DOK6: variants seen among roughly 807,000 people sequenced by gnomAD.
DOK6 encodes the protein docking protein 6.
Under a neutral mutation model 44.0 loss-of-function variants are expected in DOK6, and 22 were observed. The observed-to-expected ratio is 0.50, with a 90% CI of 0.36 to 0.71. The LOEUF (loss-of-function observed/expected upper bound fraction) is 0.71, where lower values mean the gene tolerates loss of function less well. Among genes scored for constraint, DOK6 ranks in the 30% least tolerant of loss-of-function variants. The probability of loss-of-function intolerance (pLI) is 0.00; values close to 1 mark genes in which losing one functional copy is unlikely to be tolerated. For synonymous variants in DOK6, 166 were observed against 145.5 expected (o/e 1.14, Z -1.01); for missense variants, 340 against 416.4 (o/e 0.82, Z 1.60).
In DOK6 at chr18:69,844,435, G is replaced by T. The variant is rs1246457076; in HGVS notation, c.*3052G>T. 2 of 152,084 alleles carry T rather than the reference G, an allele frequency of 1.3e-5. No individual in the cohort carries two copies. The highest frequency in any genetic ancestry group is 2.4e-5 in the African/African-American group (1 of 41,388). 9.4% of individuals were successfully genotyped at this position (152,084 alleles called of 1,614,324 possible). A position where few individuals can be genotyped will look rare whatever the true frequency, so the allele number is the denominator to read the frequency against. ...ATTTCACTGAGAGATTACACGAGGG[G>T]ACTTATTTTTTATGTTCCCAATTTT... On this transcript the variant is annotated 3_prime_UTR_variant, in exon 8 of 8. Transcript: ENST00000382713.
chr18:69,821,626 CTT>C (rs1981573035), intron 7 of DOK6, among the ~76,000 whole-genome samples: 1 of 152,252 alleles, frequency 6.6e-6, no homozygotes, highest in African/African-American at 2.4e-5. Context: ...ACGCTTCACT[CTT>C]TTTAACAATG....
At chr18:69,449,213 C>T (rs1208094894) in intron 1 of DOK6, among the ~76,000 whole-genome samples, 2 of 152,302 alleles carry the variant, frequency 1.3e-5, no homozygotes, top group East Asian at 3.9e-4. Flanking sequence ...GATAAGTCTA[C>T]TTTTGGTATA....
At chr18:69,509,663 A>AAAAAAAAAC (rs397977960) in intron 1 of DOK6, among the ~76,000 whole-genome samples, 33 of 115,590 alleles carry the variant, frequency 2.9e-4, no homozygotes, top group African/African-American at 9.2e-4. Flanking sequence ...AAAAAAAAAA[A>AAAAAAAAAC]CACACAAGTC....
At chr18:69,666,971 G>A (rs1273515843) in intron 3 of DOK6, among the ~76,000 whole-genome samples, 1 of 151,860 alleles carries the variant, frequency 6.6e-6, no homozygotes, top group Non-Finnish European at 1.5e-5. Context: ...GAGCCACCAG[G>A]GACACTGTGC....
intron 7 of DOK6, among the ~76,000 whole-genome samples, chr18:69,822,157 G>T (rs1422271777): frequency 6.6e-6 from 1 of 152,142 alleles, no homozygotes; most frequent in African/African-American, 2.4e-5. Context: ...CTGAAACTTA[G>T]CAGAGTCTTA....
intron 7 of DOK6, among the ~76,000 whole-genome samples, chr18:69,811,645 A>C (rs12969746): frequency 0.53 from 78,943 of 148,648 alleles, 24,664 homozygotes; most frequent in East Asian, 0.69. Flanking sequence ...TAACTTTTAA[A>C]AAGATATGTA....
intron 2 of DOK6, among the ~76,000 whole-genome samples, chr18:69,585,548 T>A (rs1983479236): frequency 6.6e-6 from 1 of 152,232 alleles, no homozygotes; most frequent in Non-Finnish European, 1.5e-5. Flanking sequence ...ATATCTTTGC[T>A]TATGAGAGTG....
At chr18:69,802,324 G>A (rs1465837817) in intron 7 of DOK6, among the ~76,000 whole-genome samples, 2 of 152,072 alleles carry the variant, frequency 1.3e-5, no homozygotes, top group Non-Finnish European at 2.9e-5. Flanking sequence ...CATGCATTCG[G>A]TACGCTCCTT....
At chr18:69,813,908 A>G (rs1196085831) in intron 7 of DOK6, among the ~76,000 whole-genome samples, 1 of 152,178 alleles carries the variant, frequency 6.6e-6, no homozygotes, top group Non-Finnish European at 1.5e-5. Flanking sequence ...TCTCAATGCT[A>G]TTTTCAGAAT....
chr18:69,641,497 C>G lies in DOK6; in HGVS notation c.290-36237C>G, dbSNP rs909410696. 5.3e-5 allele frequency among the ~76,000 whole-genome samples: 8 copies of G among 152,278 alleles called. No individual in the cohort carries two copies. The South Asian group carries it at 6.2e-4, about 12-fold the overall frequency. Reference sequence around the variant, plus strand: ...GATTTTTAATTCATTAAATCTGGAACAGGGCCCAGGAATTTACATTTTTAA... The same window carrying G: ...GATTTTTAATTCATTAAATCTGGAAGAGGGCCCAGGAATTTACATTTTTAA... On this transcript the variant is annotated intron_variant, in intron 3 of 7. Transcript: ENST00000382713.
At chr18:69,542,049 T>C (rs2144581619) in intron 1 of DOK6, among the ~76,000 whole-genome samples, 1 of 151,570 alleles carries the variant, frequency 6.6e-6, no homozygotes, top group Non-Finnish European at 1.5e-5. Context: ...AGAATGGAGA[T>C]GGTGTGGATG....
chr18:69,609,909 G>A (rs1311878974), intron 3 of DOK6, among the ~76,000 whole-genome samples: 2 of 152,150 alleles, frequency 1.3e-5, no homozygotes, highest in Non-Finnish European at 2.9e-5. Context: ...TATATTAAGT[G>A]AAATAAGCCA....
intron 1 of DOK6, among the ~76,000 whole-genome samples, chr18:69,546,914 A>G (rs1982422192): frequency 6.6e-6 from 1 of 151,524 alleles, no homozygotes; most frequent in Admixed American, 6.6e-5. Context: ...AATTCATAAG[A>G]AGGAGGTTTA....
intron 1 of DOK6, chr18:69,471,494 CG>C (rs1980106914): frequency 2.6e-5 from 4 of 151,702 alleles, no homozygotes; most frequent in Admixed American, 6.6e-5. Flanking sequence ...AGCCGTGGCA[CG>C]GTGCTTGGAT....
intron 7 of DOK6, among the ~76,000 whole-genome samples, chr18:69,772,215 T>C (rs1347479418): frequency 1.3e-5 from 2 of 151,594 alleles, no homozygotes; most frequent in Admixed American, 1.3e-4. Flanking sequence ...GAAAGTAAAA[T>C]AGATACAAAT....
intron 7 of DOK6, among the ~76,000 whole-genome samples, chr18:69,811,150 T>C (rs984094317): frequency 2.0e-5 from 3 of 151,932 alleles, no homozygotes; most frequent in Non-Finnish European, 4.4e-5. Context: ...CCACCATGTA[T>C]TACAACATGG....
At chr18:69,776,659 C>T (rs895012718) in intron 7 of DOK6, among the ~76,000 whole-genome samples, 1 of 151,998 alleles carries the variant, frequency 6.6e-6, no homozygotes, top group Admixed American at 6.6e-5. Flanking sequence ...CTAAAGACAT[C>T]ATCACAACCT....
intron 1 of DOK6, among the ~76,000 whole-genome samples, chr18:69,426,432 A>G (rs1351783953): frequency 6.6e-6 from 1 of 152,228 alleles, no homozygotes; most frequent in African/African-American, 2.4e-5. Flanking sequence ...CAGGCATTAC[A>G]TGGTTCAACT....
intron 7 of DOK6, among the ~76,000 whole-genome samples, chr18:69,836,323 A>C (rs1982052723): frequency 6.6e-6 from 1 of 152,190 alleles, no homozygotes. Context: ...TTTTGGCAGA[A>C]TAAAGCAAAT....
Sources: gnomAD v4.1 joint callset for allele counts (sites outside exome capture counted in the v4.1 genomes callset) on GRCh38, gnomAD v4.1.1 for gene constraint, MANE v1.5 for transcripts, NCBI Gene and HGNC (gene_info 2026-07-23, HGNC 2026-07-21) for gene names.